Variants in SEC31B observed in about 807,000 individuals in gnomAD.
The protein encoded by SEC31B is protein transport protein Sec31B.
Under a neutral mutation model 135.0 loss-of-function variants are expected in SEC31B, and 113 were observed. That is an observed-to-expected ratio of 0.84 (90% CI 0.72 to 0.98). The LOEUF (loss-of-function observed/expected upper bound fraction) is 0.98, where lower values mean the gene tolerates loss of function less well. SEC31B is among the 50% of genes least tolerant of loss of function. SEC31B has a pLI of 0.00. For missense variants in SEC31B, 1,296 were observed against 1,421.1 expected, an observed-to-expected ratio of 0.91 and a Z score of 1.42; for synonymous variants, 508 against 549.4, an observed-to-expected ratio of 0.92 and a Z score of 1.05.
intron 3 of SEC31B, among the ~76,000 whole-genome samples, chr10:100,511,910 T>G (rs892440571): frequency 2.6e-5 from 4 of 152,212 alleles, no homozygotes; most frequent in African/African-American, 9.6e-5. Context: ...CTATGAATCC[T>G]CAATTTACAG....
intron 19 of SEC31B, chr10:100,494,825 A>AT (rs200276653): frequency 0.12 from 15,334 of 127,160 alleles, 1,996 homozygotes; most frequent in African/African-American, 0.32. Context: ...TACTGTAGCT[A>AT]TTTTTTTTTT....
At chr10:100,507,091 C>A (rs1851646760) in intron 7 of SEC31B, among the ~76,000 whole-genome samples, 1 of 152,174 alleles carries the variant, frequency 6.6e-6, no homozygotes, top group African/African-American at 2.4e-5. Flanking sequence ...ATGAAGAAAT[C>A]CTGGAGGAGG....
Position 100,488,720 on chromosome 10 carries a change from G to A in SEC31B, c.3288+138C>T, listed in dbSNP as rs889233359. The A allele has an allele frequency of 4.6e-5, 55 of 1,196,646 alleles. No homozygotes were observed. The South Asian group carries it at 7.9e-4, about 17-fold the overall frequency. The allele number at this position is 1,196,646 out of a possible 1,614,324, so 74.1% of individuals were successfully genotyped here. A position where few individuals can be genotyped will look rare whatever the true frequency, so the allele number is the denominator to read the frequency against. On this transcript the variant is annotated intron_variant, in intron 24 of 25. Coordinates refer to ENST00000370345, the MANE Select transcript of SEC31B (RefSeq NM_015490.4). ...AGTCTCTCCCCAGCTCCACATGGAC[G>A]TCAATTAAGTACAAGATAGAGACAG... is the stretch of plus-strand genomic sequence containing the variant.
chr10:100,497,057 G>T, intron 17 of SEC31B, 78 bp downstream of exon 17: 1 of 1,551,896 alleles, frequency 6.4e-7, no homozygotes, highest in Non-Finnish European at 8.8e-7. Context: ...ATTCGCCTCT[G>T]CTAGCTCTGC....
chr10:100,504,643 A>G (rs747101613), intron 10 of SEC31B, among the ~76,000 whole-genome samples: 3 of 152,208 alleles, frequency 2.0e-5, no homozygotes, highest in Non-Finnish European at 4.4e-5. Context: ...ATGTATATAA[A>G]TAACTTTAGT....
rs780003876 is a variant in SEC31B, at chr10:100,508,049, C to T, written c.498G>A (p.Gln166=). Residue 166 remains glutamine, a splice_region_variant and synonymous_variant, in exon 6 of 26, where the codon CAG becomes CAA. Transcript: ENST00000370345. ...VPMTLGSKSQ[Q]PPEDIKALSW... ...ACAGTGCCTTGATGTCCTCTGGAGG[C>T]TGCTAAGGCAGGATGGGGACAGAAA... is the stretch of plus-strand genomic sequence containing the variant. 2 of 1,614,186 alleles carry T rather than the reference C, an allele frequency of 1.2e-6. No individual in the cohort carries two copies. The highest frequency in any genetic ancestry group is 2.2e-5 in the East Asian group (1 of 44,890).
At chr10:100,514,980 C>CAAAA (rs1232368371) in intron 3 of SEC31B, among the ~76,000 whole-genome samples, 12 of 63,940 alleles carry the variant, frequency 1.9e-4, no homozygotes, top group African/African-American at 5.9e-4. Context: ...GACTCCATCT[C>CAAAA]AAAAAAAAAA....
rs765888875 is a variant in SEC31B, at chr10:100,507,481, C to A, written c.726G>T (p.Gln242His). The change falls in exon 7 of 26, where the codon CAG (glutamine) becomes CAT (histidine). Residue 242 changes from glutamine to histidine, a missense_variant. Physicochemically the swap from Gln to His is conservative, Grantham distance 24. Coordinates refer to ENST00000370345, the MANE Select transcript of SEC31B (RefSeq NM_015490.4). ...AGGAGGCAAAGCGCAAGTCCCACAG[C>A]TGAATCACGGGAAGTCGATCATCCT... ...CSEDDRLPVI[Q>H]LWDLRFASSP... is the part of the protein sequence containing the mutation. 6.2e-7 allele frequency: 1 copy of A among 1,614,098 alleles called. No individual in the cohort carries two copies. Among genetic ancestry groups the A allele is most frequent in the Non-Finnish European group, 8.5e-7 (1 of 1,180,038 alleles).
rs754418353 is a variant in SEC31B at position 100,509,391 on chromosome 10, C to A, written c.324G>T (p.Ser108=). 1 of 1,614,150 alleles carries A rather than the reference C, an allele frequency of 6.2e-7. No homozygotes were observed. Residue 108 remains serine (S), a synonymous_variant, in exon 4 of 26, where the codon TCG becomes TCT. Transcript: ENST00000370345. The stretch of plus-strand genomic sequence containing the variant: ...TCTGAGCAATCACAGGCTCCTTCCC[C>A]GAAGACAGGATGTGGGTCACATTGT... ...ILYNVTHILS[S]GKEPVIAQKQ...
At chr10:100,489,805 A>C in intron 21 of SEC31B, 44 bp from the exon 22 acceptor site, 3 of 1,612,740 alleles carry the variant, frequency 1.9e-6, no homozygotes, top group Non-Finnish European at 2.5e-6. Flanking sequence ...ATAGTGAAAA[A>C]CACTGGAAGT....
intron 19 of SEC31B, 75 bp from the exon 20 acceptor site, chr10:100,490,958 G>C: frequency 1.8e-6 from 2 of 1,109,892 alleles, no homozygotes; most frequent in Middle Eastern, 2.9e-4. Flanking sequence ...AAAATAATAG[G>C]GAAAATTAAT....
At position 100,498,824 on chromosome 10, in the gene SEC31B, G is replaced by A. The variant is rs1443601884; in HGVS notation, c.1585-20C>T. ...GGAGGCCTGTATGAGGAAGGACAGA[G>A]GTGACTACTTAGGGATGAACCCAAG... On this transcript the variant is annotated intron_variant, in intron 13 of 25. Coordinates refer to ENST00000370345, the MANE Select transcript of SEC31B (RefSeq NM_015490.4). The A allele has an allele frequency of 1.3e-6, 2 of 1,570,800 alleles. No homozygotes were observed. The highest frequency in any genetic ancestry group is 3.3e-5 in the Admixed American group (2 of 59,932).
rs1851841637 is a variant in SEC31B at position 100,516,229 on chromosome 10, AG to A, written c.80-11del. 3.1e-6 allele frequency: 5 copies of A among 1,612,356 alleles called. No homozygotes were observed. Among genetic ancestry groups the A allele is most frequent in the Non-Finnish European group, 4.2e-6 (5 of 1,179,558 alleles). ...TGTTGGGCAGATGTTCCTAGGCACA[AG>A]AAAAGGCAGCATATGAGCAACAATA... On this transcript the variant is annotated splice_polypyrimidine_tract_variant and intron_variant, in intron 2 of 25. Coordinates refer to ENST00000370345, the MANE Select transcript of SEC31B (RefSeq NM_015490.4).
rs780641369 is a variant in SEC31B, at chr10:100,498,130, G to A, written c.1762C>T (p.Arg588Cys). The change falls in exon 15 of 26, where the codon CGC becomes TGC. Residue 588 changes from arginine to cysteine, a missense_variant. Arg to Cys is a radical substitution (Grantham distance 180, BLOSUM62 -3). Transcript: ENST00000370345. ...GCCAGGATAATGGCATCAGCAAAGC[G>A]CTCCTCCTTCAGACACAGCTCCACG... ...PAVELCLKEE[R>C]FADAIILAQA... is the part of the protein sequence containing the mutation. 69 of 1,614,146 alleles carry A rather than the reference G, an allele frequency of 4.3e-5. No individual in the cohort carries two copies. The highest frequency in any genetic ancestry group is 5.6e-5 in the Non-Finnish European group (66 of 1,180,024).
At chr10:100,491,570 T>C (rs1016050120) in intron 19 of SEC31B, among the ~76,000 whole-genome samples, 1 of 152,230 alleles carries the variant, frequency 6.6e-6, no homozygotes, top group Non-Finnish European at 1.5e-5. Flanking sequence ...TTCCAGGTCA[T>C]ACAAAGCTGA....
At chr10:100,505,750 A>T in intron 9 of SEC31B, 1 of 1,412,390 alleles carries the variant, frequency 7.1e-7, no homozygotes, top group Non-Finnish European at 9.2e-7. Flanking sequence ...GAAGAGAGAA[A>T]GATAAGAGTC....
intron 9 of SEC31B, chr10:100,505,730 T>G: frequency 7.1e-7 from 1 of 1,412,008 alleles, no homozygotes; most frequent in East Asian, 2.6e-5. Context: ...TGGCACAAAA[T>G]GGATCTATAG....
intron 12 of SEC31B, 114 bp from the exon 13 acceptor site, chr10:100,499,372 T>C (rs1589734549): frequency 9.1e-7 from 1 of 1,103,606 alleles, no homozygotes; most frequent in East Asian, 2.5e-5. Flanking sequence ...CCCTGATCTA[T>C]TTTTTTCTGA....
intron 9 of SEC31B, 22 bp downstream of exon 9, chr10:100,506,018 T>C: frequency 6.2e-7 from 1 of 1,612,724 alleles, no homozygotes; most frequent in Non-Finnish European, 8.5e-7. Context: ...CCCTCCAGCA[T>C]TCTCTACCAA....
Sources: allele counts gnomAD v4.1 joint callset (sites outside exome capture counted in the v4.1 genomes callset), GRCh38; gene constraint gnomAD v4.1.1; transcripts MANE v1.5; gene names NCBI Gene and HGNC (gene_info 2026-07-23, HGNC 2026-07-21).